The following PHF24 variants were observed in gnomAD, a reference collection of about 807,000 sequenced individuals.
PHF24 encodes Galpha inhibitory interacting protein.
Under a neutral mutation model 42.6 loss-of-function variants are expected in PHF24, and 25 were observed. The observed-to-expected ratio is 0.59, with a 90% CI of 0.43 to 0.82. The LOEUF is 0.82. Among genes scored for constraint, PHF24 ranks in the 40% least tolerant of loss-of-function variants. The pLI is 0.00. For synonymous variants in PHF24, 185 were observed against 204.8 expected, an observed-to-expected ratio of 0.90 and a Z score of 0.83; for missense variants, 470 against 538.1, an observed-to-expected ratio of 0.87 and a Z score of 1.25.
chr9:34,930,150 C>A, the PHF24 span, among the ~76,000 whole-genome samples: 2 of 152,048 alleles, frequency 1.3e-5, no homozygotes, highest in African/African-American at 4.8e-5. Context: ...TTCATCCAAG[C>A]CTGAAGTTTA....
chr9:34,713,789 G>A, the PHF24 span, among the ~76,000 whole-genome samples: 1 of 152,134 alleles, frequency 6.6e-6, no homozygotes, highest in Non-Finnish European at 1.5e-5. Context: ...CCTCACGTCA[G>A]AGCTGGAGAA....
the PHF24 span, among the ~76,000 whole-genome samples, chr9:34,810,866 G>T: frequency 6.6e-6 from 1 of 152,162 alleles, no homozygotes; most frequent in Non-Finnish European, 1.5e-5. Flanking sequence ...AGAGCACAGG[G>T]CCCCAAGCGG....
the PHF24 span, among the ~76,000 whole-genome samples, chr9:34,873,120 G>A: frequency 6.6e-6 from 1 of 150,910 alleles, no homozygotes. Flanking sequence ...TGTCAGATGA[G>A]TAGGTTGTGA....
chr9:34,981,838 G>A (rs548705936), exon 8 of PHF24: 5 of 151,292 alleles, frequency 3.3e-5, no homozygotes, highest in African/African-American at 1.2e-4. Context: ...ATCTGTCTGG[G>A]CCCCTGGCTG....
the PHF24 span, among the ~76,000 whole-genome samples, chr9:34,806,219 T>C: frequency 2.0e-5 from 3 of 152,164 alleles, no homozygotes; most frequent in Non-Finnish European, 2.9e-5. Flanking sequence ...CAATTCTATA[T>C]GAATTTTAGA....
chr9:34,886,919 C>A, the PHF24 span, among the ~76,000 whole-genome samples: 1 of 151,982 alleles, frequency 6.6e-6, no homozygotes, highest in Admixed American at 6.6e-5. Context: ...GGCTCAAATG[C>A]CCAAATTGTC....
chr9:34,673,322 C>T, the PHF24 span, among the ~76,000 whole-genome samples: 2 of 148,764 alleles, frequency 1.3e-5, 1 homozygote, highest in East Asian at 4.1e-4. Flanking sequence ...CCACTGCACT[C>T]CGGTCCGGGC....
the PHF24 span, among the ~76,000 whole-genome samples, chr9:34,668,295 A>G: frequency 6.6e-6 from 1 of 152,144 alleles, no homozygotes; most frequent in South Asian, 2.1e-4. Context: ...AGAGCCTATA[A>G]AGAGAAGAGC....
At chr9:34,797,228 ATG>A in the PHF24 span, among the ~76,000 whole-genome samples, 13 of 152,104 alleles carry the variant, frequency 8.5e-5, no homozygotes, top group Admixed American at 7.9e-4. Context: ...CTAGTGGTGA[ATG>A]TTTACAGATC....
At chr9:34,889,843 A>G in the PHF24 span, among the ~76,000 whole-genome samples, 2 of 152,218 alleles carry the variant, frequency 1.3e-5, no homozygotes, top group African/African-American at 2.4e-5. Flanking sequence ...CCAGCAAGTA[A>G]TGGCCCAGTA....
At chr9:34,737,504 A>G in the PHF24 span, among the ~76,000 whole-genome samples, 1 of 152,186 alleles carries the variant, frequency 6.6e-6, no homozygotes, top group Non-Finnish European at 1.5e-5. Context: ...TGCTATGCAC[A>G]TTTGTATACA....
At chr9:34,747,674 C>G in the PHF24 span, among the ~76,000 whole-genome samples, 1 of 152,136 alleles carries the variant, frequency 6.6e-6, no homozygotes, top group African/African-American at 2.4e-5. Flanking sequence ...TCTGGAGCAA[C>G]TGAAACTCCC....
chr9:34,692,528 A>G, the PHF24 span, among the ~76,000 whole-genome samples: 2 of 152,256 alleles, frequency 1.3e-5, no homozygotes, highest in East Asian at 3.9e-4. Flanking sequence ...CCACTTGGTC[A>G]TGGCACAGCA....
chr9:34,748,392 A>G, the PHF24 span, among the ~76,000 whole-genome samples: 1 of 152,124 alleles, frequency 6.6e-6, no homozygotes, highest in Non-Finnish European at 1.5e-5. Flanking sequence ...TGAATGGTTT[A>G]GTGTCATCCC....
chr9:34,832,424 C>A, the PHF24 span: 1 of 1,329,492 alleles, frequency 7.5e-7, no homozygotes, highest in Admixed American at 2.1e-5. Context: ...TGTCTAGGGA[C>A]TGGGGACCAT....
the PHF24 span, among the ~76,000 whole-genome samples, chr9:34,792,680 A>G: frequency 6.6e-6 from 1 of 151,386 alleles, no homozygotes; most frequent in African/African-American, 2.4e-5. Context: ...ATCTCAGGAA[A>G]AAAAAAAAAG....
the PHF24 span, among the ~76,000 whole-genome samples, chr9:34,915,876 G>A: frequency 9.4e-5 from 14 of 148,664 alleles, no homozygotes; most frequent in African/African-American, 3.5e-4. Context: ...TCAAGGGTGG[G>A]ACCAGGTGGA....
the PHF24 span, among the ~76,000 whole-genome samples, chr9:34,915,696 G>T: frequency 5.9e-5 from 9 of 152,170 alleles, no homozygotes; most frequent in Admixed American, 1.3e-4. Flanking sequence ...TAATGACTAG[G>T]AACCATGGAG....
the PHF24 span, among the ~76,000 whole-genome samples, chr9:34,778,942 A>G: frequency 6.6e-6 from 1 of 152,206 alleles, no homozygotes; most frequent in Non-Finnish European, 1.5e-5. Context: ...GAATGACATT[A>G]GAGATCAATA....
Sources: gnomAD v4.1 joint callset for allele counts (sites outside exome capture counted in the v4.1 genomes callset) on GRCh38, gnomAD v4.1.1 for gene constraint, MANE v1.5 for transcripts, NCBI Gene and HGNC (gene_info 2026-07-23, HGNC 2026-07-21) for gene names.